The following FAF1 variants were observed in gnomAD, a reference collection of about 807,000 sequenced individuals.
FAF1 encodes Fas associated factor 1.
Under a neutral mutation model 92.5 loss-of-function variants are expected in FAF1, and 25 were observed. The observed-to-expected ratio is 0.27, with a 90% confidence interval of 0.20 to 0.38. FAF1 has a LOEUF of 0.38. Among genes scored for constraint, FAF1 ranks in the 10% least tolerant of loss-of-function variants. The pLI is 1.00. For missense variants in FAF1, 636 were observed against 793.3 expected, an observed-to-expected ratio of 0.80 and a Z score of 2.38; for synonymous variants, 234 against 273.2, an observed-to-expected ratio of 0.86 and a Z score of 1.42.
chr1:50,577,746 T>C (rs1650819047), intron 12 of FAF1, among the ~76,000 whole-genome samples: 1 of 152,144 alleles, frequency 6.6e-6, no homozygotes, highest in Admixed American at 6.5e-5. Context: ...ACTGGATGAG[T>C]GTCCTTCATA....
intron 2 of FAF1, among the ~76,000 whole-genome samples, chr1:50,824,212 T>C (rs556186266): frequency 6.6e-5 from 10 of 152,286 alleles, no homozygotes; most frequent in South Asian, 4.1e-4. Context: ...TAAAAGTTTA[T>C]ACATTCAAGT....
chr1:50,767,545 A>G (rs1347312754), intron 4 of FAF1, among the ~76,000 whole-genome samples: 1 of 152,202 alleles, frequency 6.6e-6, no homozygotes. Flanking sequence ...AAAAGACAAA[A>G]TAAAAGACAG....
At chr1:50,575,327 G>T (rs1230650326) in intron 12 of FAF1, among the ~76,000 whole-genome samples, 1 of 152,092 alleles carries the variant, frequency 6.6e-6, no homozygotes, top group Non-Finnish European at 1.5e-5. Context: ...AGAATTAAAG[G>T]CAAATTCTAA....
intron 8 of FAF1, among the ~76,000 whole-genome samples, chr1:50,620,360 A>T (rs1653136285): frequency 6.6e-6 from 1 of 152,154 alleles, no homozygotes; most frequent in South Asian, 2.1e-4. Flanking sequence ...TGTTGTTCAT[A>T]CTTGTATTGT....
At chr1:50,939,135 A>T (rs2124751876) in intron 1 of FAF1, among the ~76,000 whole-genome samples, 1 of 152,312 alleles carries the variant, frequency 6.6e-6, no homozygotes, top group Non-Finnish European at 1.5e-5. Context: ...AATAGCACTG[A>T]ATGTATAAAT....
At chr1:50,951,171 T>C (rs1241837739) in intron 1 of FAF1, among the ~76,000 whole-genome samples, 1 of 152,144 alleles carries the variant, frequency 6.6e-6, no homozygotes, top group Non-Finnish European at 1.5e-5. Flanking sequence ...GAGATGGAGG[T>C]TGCACTGAGC....
At chr1:50,567,011 A>T in intron 13 of FAF1, 66 bp downstream of exon 13, 1 of 1,238,798 alleles carries the variant, frequency 8.1e-7, no homozygotes, top group Non-Finnish European at 1.1e-6. Context: ...GTTTATGATG[A>T]TGATAAACAC....
At chr1:50,624,323 A>G (rs954085931) in intron 8 of FAF1, among the ~76,000 whole-genome samples, 1 of 151,752 alleles carries the variant, frequency 6.6e-6, no homozygotes, top group Non-Finnish European at 1.5e-5. Context: ...AATTTTTTGT[A>G]TTTTTTAGTA....
chr1:50,723,187 G>A (rs1005047339), intron 6 of FAF1, among the ~76,000 whole-genome samples: 2 of 152,116 alleles, frequency 1.3e-5, no homozygotes, highest in African/African-American at 4.8e-5. Context: ...GACCACCTGA[G>A]TTCAGAAGTT....
At chr1:50,534,581 T>A (rs1296050794) in intron 15 of FAF1, among the ~76,000 whole-genome samples, 2 of 152,154 alleles carry the variant, frequency 1.3e-5, no homozygotes, top group African/African-American at 4.8e-5. Context: ...GCCTCTTCTG[T>A]TGATTTTTGA....
intron 1 of FAF1, among the ~76,000 whole-genome samples, chr1:50,923,278 G>T (rs184498143): frequency 5.7e-4 from 86 of 152,078 alleles, no homozygotes; most frequent in Middle Eastern, 3.4e-3. Flanking sequence ...AAAAAATTTA[G>T]CCAGGCAAAG....
chr1:50,567,134 A>G lies in FAF1; in HGVS notation c.1211T>C (p.Leu404Pro). The G allele has an allele frequency of 6.2e-7, 1 of 1,610,130 alleles. No homozygotes were observed. The highest frequency in any genetic ancestry group is 1.3e-5 in the African/African-American group (1 of 74,958). The change falls in exon 13 of 19, where the codon CTG (leucine) becomes CCG (proline). Residue 404 changes from leucine (L) to proline (P), a missense_variant. By Grantham distance (98) the Leu-to-Pro change is moderately conservative (BLOSUM62 -3). This residue lies in a region of FAF1 where 319 missense variants were observed against 451.0 expected (regional missense o/e 0.71). Coordinates refer to ENST00000396153, the MANE Select transcript of FAF1 (RefSeq NM_007051.3). Reference protein sequence around the residue: ...MLCAESIVSYLSQNFITWAWD... With the variant: ...MLCAESIVSYPSQNFITWAWD... ...AGCCCAGGTTATAAAATTTTGACTCAGATAAGAAACAATGGATTCAGCACA... is the reference window on the plus strand; with the variant it reads ...AGCCCAGGTTATAAAATTTTGACTCGGATAAGAAACAATGGATTCAGCACA...
intron 18 of FAF1, among the ~76,000 whole-genome samples, chr1:50,442,175 G>A (rs545583446): frequency 1.3e-5 from 2 of 152,204 alleles, no homozygotes; most frequent in South Asian, 4.2e-4. Flanking sequence ...ATCATACAGG[G>A]ATCCTAAATT....
chr1:50,557,512 C>T (rs776229515), intron 13 of FAF1, among the ~76,000 whole-genome samples: 4 of 152,122 alleles, frequency 2.6e-5, no homozygotes, highest in Non-Finnish European at 4.4e-5. Context: ...CTAACAGAAA[C>T]TTTGCTTTTT....
chr1:50,960,243 C>A lies in FAF1; in HGVS notation c.-432G>T. On this transcript the variant is annotated 5_prime_UTR_variant, in exon 1 of 19. The change creates a new upstream start codon in the 5' untranslated region. Coordinates refer to ENST00000396153, the MANE Select transcript of FAF1 (RefSeq NM_007051.3). ...CGCCTCCGCCTCCTCCGCTTCCTCCCTGGCCGCCGCCTCCGCCCCTGGTTG... is the reference window on the plus strand; with the variant it reads ...CGCCTCCGCCTCCTCCGCTTCCTCCATGGCCGCCGCCTCCGCCCCTGGTTG... 1 of 333,042 alleles carries A rather than the reference C, an allele frequency of 3.0e-6. No homozygotes were observed. Among genetic ancestry groups the A allele is most frequent in the Non-Finnish European group, 5.5e-6 (1 of 182,902 alleles). The allele number at this position is 333,042 out of a possible 1,614,324, so 20.6% of individuals were successfully genotyped here.
intron 4 of FAF1, among the ~76,000 whole-genome samples, chr1:50,781,909 C>T (rs1330621305): frequency 6.6e-6 from 1 of 152,168 alleles, no homozygotes; most frequent in East Asian, 1.9e-4. Flanking sequence ...TCAACAATGA[C>T]CACATATATT....
chr1:50,544,057 C>A (rs1648886107), intron 13 of FAF1, among the ~76,000 whole-genome samples: 1 of 152,086 alleles, frequency 6.6e-6, no homozygotes, highest in Non-Finnish European at 1.5e-5. Context: ...AGAGGGAGAA[C>A]CCACTACCAT....
chr1:50,929,099 G>GA (rs57523646), intron 1 of FAF1, among the ~76,000 whole-genome samples: 138,216 of 138,856 alleles, frequency 1, 68,790 homozygotes, highest in Admixed American at 1. Context: ...AGAAAGAAAA[G>GA]AAAAAAAAAC....
chr1:50,806,087 C>A (rs1662186989), intron 2 of FAF1, among the ~76,000 whole-genome samples: 1 of 151,864 alleles, frequency 6.6e-6, no homozygotes, highest in Non-Finnish European at 1.5e-5. Flanking sequence ...AGACAAGCTG[C>A]AGACTAGGAA....
Sources: gnomAD v4.1 joint callset for allele counts (sites outside exome capture counted in the v4.1 genomes callset) on GRCh38, gnomAD v4.1.1 for gene constraint, gnomAD v4.1.1 regional missense constraint, MANE v1.5 for transcripts, NCBI Gene and HGNC (gene_info 2026-07-23, HGNC 2026-07-21) for gene names.